Variants in SYT16 observed in about 807,000 individuals in gnomAD.
SYT16 encodes the protein synaptotagmin-16.
A neutral mutation model predicts 61.4 loss-of-function variants in SYT16; 42 were observed. The ratio of observed to expected loss-of-function variants is 0.68; its 90% CI spans 0.53 to 0.89. The LOEUF (loss-of-function observed/expected upper bound fraction) is 0.89, where lower values mean the gene tolerates loss of function less well. Among genes scored for constraint, SYT16 ranks in the 40% least tolerant of loss-of-function variants. SYT16 has a pLI of 0.00. For synonymous variants in SYT16, 314 were observed against 302.3 expected (o/e 1.04, Z -0.40); for missense variants, 804 against 807.3 (o/e 1.00, Z 0.05).
At chr14:61,952,837 C>T (rs947233991) in intron 1 of SYT16, among the ~76,000 whole-genome samples, 10 of 152,206 alleles carry the variant, frequency 6.6e-5, no homozygotes, top group African/African-American at 1.9e-4. Context: ...ATGTAGTTAA[C>T]GTATCTTTGT....
intron 7 of SYT16, among the ~76,000 whole-genome samples, chr14:62,087,127 G>A (rs1425233509): frequency 6.6e-6 from 1 of 152,226 alleles, no homozygotes; most frequent in Non-Finnish European, 1.5e-5. Flanking sequence ...TACATGGCAA[G>A]CTTGGGATAC....
At chr14:62,050,074 C>G (rs530582240) in intron 3 of SYT16, among the ~76,000 whole-genome samples, 82 of 152,318 alleles carry the variant, frequency 5.4e-4, no homozygotes, top group Non-Finnish European at 9.4e-4. Flanking sequence ...TGTTTTCCAA[C>G]TTGCCTCCAT....
intron 1 of SYT16, among the ~76,000 whole-genome samples, chr14:61,949,669 C>G (rs1276636438): frequency 6.6e-6 from 1 of 152,144 alleles, no homozygotes; most frequent in East Asian, 1.9e-4. Context: ...AGAATTTGGA[C>G]TGTGATGGTG....
chr14:61,857,334 A>T (rs2046807992), intron 1 of SYT16, among the ~76,000 whole-genome samples: 1 of 152,228 alleles, frequency 6.6e-6, no homozygotes, highest in South Asian at 2.1e-4. Flanking sequence ...CTGAAAGCAG[A>T]GAGAGATGAG....
chr14:61,926,357 A>G (rs554140193), intron 1 of SYT16, among the ~76,000 whole-genome samples: 2 of 152,318 alleles, frequency 1.3e-5, no homozygotes, highest in African/African-American at 4.8e-5. Flanking sequence ...AATATAGTTT[A>G]GTCTGGATTC....
At chr14:61,926,026 C>T (rs1430218307) in intron 1 of SYT16, among the ~76,000 whole-genome samples, 1 of 152,160 alleles carries the variant, frequency 6.6e-6, no homozygotes, top group Non-Finnish European at 1.5e-5. Context: ...TGGTACATGA[C>T]ATGCTGTCAA....
intron 3 of SYT16, among the ~76,000 whole-genome samples, chr14:62,016,329 G>A (rs537869852): frequency 6.6e-6 from 1 of 152,124 alleles, no homozygotes; most frequent in Non-Finnish European, 1.5e-5. Flanking sequence ...TTCAATATTA[G>A]TGCTGAAGAA....
intron 3 of SYT16, among the ~76,000 whole-genome samples, chr14:62,042,087 A>G (rs2054754309): frequency 6.6e-6 from 1 of 152,130 alleles, no homozygotes; most frequent in Admixed American, 6.6e-5. Flanking sequence ...TTCTCTGTGT[A>G]ATTTCTAGCT....
At chr14:62,061,449 A>G (rs1034275732) in intron 3 of SYT16, among the ~76,000 whole-genome samples, 1 of 152,166 alleles carries the variant, frequency 6.6e-6, no homozygotes, top group African/African-American at 2.4e-5. Flanking sequence ...TTGAAAGTAC[A>G]GATTGTCAAA....
chr14:62,053,305 C>T lies in SYT16; in HGVS notation c.524-16298C>T, dbSNP rs548272270. Among the ~76,000 whole-genome samples, 279 of 152,316 alleles carry T rather than the reference C, an allele frequency of 1.8e-3. 2 individuals carry two copies. Among genetic ancestry groups the T allele is most frequent in the Non-Finnish European group, 3.2e-3 (217 of 68,026 alleles). On this transcript the variant is annotated intron_variant, in intron 3 of 7. Transcript: ENST00000683842. ...TCTCAAGGACATGAGCCTTCTCCTG[C>T]CCTCAGACTGAAACTTACATCATCT...
rs1293274012 is a variant in SYT16 at position 62,084,131 on chromosome 14, G to A, written c.1435-65G>A. 4.3e-5 allele frequency: 66 copies of A among 1,533,768 alleles called. 1 individual carries two copies. Among genetic ancestry groups the A allele is most frequent in the Non-Finnish European group, 5.4e-5 (62 of 1,139,150 alleles). On this transcript the variant is annotated intron_variant, in intron 6 of 7. Coordinates refer to ENST00000683842, the MANE Select transcript of SYT16 (RefSeq NM_001367656.1). ...TCACAATTTCACCAAACATAATATC[G>A]GCTTTCTCTAAAAGAGAGTAGTGCA...
At chr14:62,014,441 G>T (rs922760871) in intron 3 of SYT16, among the ~76,000 whole-genome samples, 2 of 151,568 alleles carry the variant, frequency 1.3e-5, no homozygotes, top group African/African-American at 2.4e-5. Flanking sequence ...CCTTAATTCA[G>T]ATATGCATCC....
chr14:62,095,997 G>A (rs2057261758), intron 7 of SYT16, among the ~76,000 whole-genome samples: 1 of 152,088 alleles, frequency 6.6e-6, no homozygotes, highest in African/African-American at 2.4e-5. Context: ...TTAGAAATTA[G>A]TGGGGAGATA....
At chr14:61,954,034 T>A (rs1437200019) in intron 1 of SYT16, among the ~76,000 whole-genome samples, 1 of 152,202 alleles carries the variant, frequency 6.6e-6, no homozygotes, top group African/African-American at 2.4e-5. Context: ...AACTTTCAGG[T>A]TAATGGATAC....
chr14:61,932,238 C>T (rs1464914035), intron 1 of SYT16, among the ~76,000 whole-genome samples: 4 of 152,226 alleles, frequency 2.6e-5, no homozygotes, highest in African/African-American at 7.2e-5. Flanking sequence ...TTTCTGACTA[C>T]ACCAAATGCT....
At chr14:61,864,166 G>T (rs1278547642) in intron 1 of SYT16, among the ~76,000 whole-genome samples, 1 of 152,154 alleles carries the variant, frequency 6.6e-6, no homozygotes, top group Non-Finnish European at 1.5e-5. Context: ...TGGTAGACTT[G>T]GGGTTGTTTC....
chr14:61,842,315 T>C (rs1594741604), intron 1 of SYT16, among the ~76,000 whole-genome samples: 1 of 152,152 alleles, frequency 6.6e-6, no homozygotes, highest in African/African-American at 2.4e-5. Flanking sequence ...CCCCACCTTA[T>C]CCTCCTGCCA....
chr14:62,027,800 G>A (rs564691351), intron 3 of SYT16, among the ~76,000 whole-genome samples: 1 of 152,276 alleles, frequency 6.6e-6, no homozygotes, highest in Admixed American at 6.5e-5. Context: ...TTTAATTTGA[G>A]TCTTGTGTTC....
intron 3 of SYT16, among the ~76,000 whole-genome samples, chr14:62,047,272 G>T (rs1397821898): frequency 6.6e-6 from 1 of 152,134 alleles, no homozygotes; most frequent in Admixed American, 6.5e-5. Context: ...TTGGCTCTCT[G>T]TTTGTCTGTT....
Sources: gnomAD v4.1 joint callset for allele counts (sites outside exome capture counted in the v4.1 genomes callset) on GRCh38, gnomAD v4.1.1 for gene constraint, MANE v1.5 for transcripts, NCBI Gene and HGNC (gene_info 2026-07-23, HGNC 2026-07-21) for gene names.